EFR3A: variants seen among roughly 807,000 people sequenced by gnomAD.
The protein encoded by EFR3A is protein EFR3 homolog A.
EFR3A carries 76 observed loss-of-function variants against 104.4 expected under a neutral mutation model. The ratio of observed to expected loss-of-function variants is 0.73; its 90% CI spans 0.60 to 0.88. The LOEUF is 0.88. Among genes scored for constraint, EFR3A ranks in the 40% least tolerant of loss-of-function variants. The probability of loss-of-function intolerance (pLI) is 0.00; values close to 1 mark genes in which losing one functional copy is unlikely to be tolerated. For synonymous variants in EFR3A, 330 were observed against 330.0 expected, an observed-to-expected ratio of 1.00 and a Z score of 0.00; for missense variants, 985 against 1,012.5, an observed-to-expected ratio of 0.97 and a Z score of 0.37.
chr8:131,904,386 G>C (rs981162063), intron 1 of EFR3A, 64 bp downstream of exon 1: 3 of 1,232,398 alleles, frequency 2.4e-6, no homozygotes, highest in Non-Finnish European at 3.0e-6. Context: ...CGCTTGGGCC[G>C]GGTACTCCTC....
chr8:131,918,507 A>G (rs1312415719), intron 1 of EFR3A, among the ~76,000 whole-genome samples: 1 of 152,232 alleles, frequency 6.6e-6, no homozygotes, highest in African/African-American at 2.4e-5. Flanking sequence ...AGTCCTGCTC[A>G]GCAAATCCTG....
chr8:131,998,998 G>A (rs1307184911), intron 19 of EFR3A, among the ~76,000 whole-genome samples: 3 of 151,946 alleles, frequency 2.0e-5, no homozygotes, highest in Non-Finnish European at 2.9e-5. Context: ...TTATCAGCTT[G>A]ACTAATAGAA....
Position 131,904,231 on chromosome 8 carries a change from C to T in EFR3A, c.-82C>T. 2 of 1,264,860 alleles carry T rather than the reference C, an allele frequency of 1.6e-6. No individual in the cohort carries two copies. Among genetic ancestry groups the T allele is most frequent in the Non-Finnish European group, 2.0e-6 (2 of 1,001,992 alleles). The allele number at this position is 1,264,860 out of a possible 1,614,324, so 78.4% of individuals were successfully genotyped here. A position where few individuals can be genotyped will look rare whatever the true frequency, so the allele number is the denominator to read the frequency against. On this transcript the variant is annotated 5_prime_UTR_variant, in exon 1 of 23. Transcript: ENST00000254624. ...CCTCGTTCCGGCCTCCGCGGCCCAGCAACGGCCGTCATGGTGCCGTCGGCG... is the reference window on the plus strand; with the variant it reads ...CCTCGTTCCGGCCTCCGCGGCCCAGTAACGGCCGTCATGGTGCCGTCGGCG...
intron 5 of EFR3A, among the ~76,000 whole-genome samples, chr8:131,953,222 AT>A (rs1045553994): frequency 2.0e-4 from 30 of 152,108 alleles, no homozygotes. Flanking sequence ...ATATTGATAC[AT>A]TTTAAGTCAC....
intron 1 of EFR3A, among the ~76,000 whole-genome samples, chr8:131,916,301 G>A (rs1052507194): frequency 1.3e-5 from 2 of 152,186 alleles, no homozygotes; most frequent in Non-Finnish European, 2.9e-5. Flanking sequence ...GGACTGCAGT[G>A]AACAAATGTG....
intron 2 of EFR3A, among the ~76,000 whole-genome samples, chr8:131,943,209 G>A (rs1022400154): frequency 2.6e-5 from 4 of 151,972 alleles, no homozygotes; most frequent in African/African-American, 9.7e-5. Flanking sequence ...AATAGCCAAA[G>A]TTGAAACACT....
intron 7 of EFR3A, among the ~76,000 whole-genome samples, chr8:131,957,914 G>A (rs967945525): frequency 5.9e-5 from 9 of 152,168 alleles, no homozygotes; most frequent in Admixed American, 2.6e-4. Flanking sequence ...GAGGGAAAAT[G>A]TTTAGGCTAT....
At chr8:131,907,369 G>A (rs7812977) in intron 1 of EFR3A, among the ~76,000 whole-genome samples, 62,545 of 151,950 alleles carry the variant, frequency 0.41, 13,205 homozygotes, top group East Asian at 0.61. Context: ...AAACAGGTCC[G>A]GTAAAATGTG....
Position 131,978,986 on chromosome 8 carries a change from G to A in EFR3A, c.1466G>A (p.Arg489His), listed in dbSNP as rs371116230. The A allele has an allele frequency of 3.5e-5, 57 of 1,612,212 alleles. No homozygotes were observed. In the African/African-American group the frequency reaches 3.7e-4, roughly 11 times the overall value. The change falls in exon 13 of 23, where the codon CGT (arginine) becomes CAT (histidine). Residue 489 changes from arginine to histidine, a missense_variant. Arg to His is a conservative substitution (Grantham distance 29). Transcript: ENST00000254624. ...GAAGTAATGCATAATCTCATGGATC[G>A]TCATGACAATAGGGCAAAGCTTCGA... ...VLEVMHNLMDRHDNRAKLRGI... is the reference protein window; with the variant it reads ...VLEVMHNLMDHHDNRAKLRGI...
chr8:131,946,270 T>C (rs1818435662), intron 3 of EFR3A, among the ~76,000 whole-genome samples: 1 of 152,104 alleles, frequency 6.6e-6, no homozygotes, highest in Admixed American at 6.6e-5. Context: ...GAATACAGTG[T>C]ATATTTTCTG....
chr8:131,965,520 C>T (rs1819655422), intron 8 of EFR3A, among the ~76,000 whole-genome samples: 1 of 152,238 alleles, frequency 6.6e-6, no homozygotes, highest in Non-Finnish European at 1.5e-5. Flanking sequence ...GATACCATCT[C>T]ACGCCAATTA....
intron 8 of EFR3A, among the ~76,000 whole-genome samples, chr8:131,967,568 C>G (rs1563673879): frequency 8.4e-6 from 1 of 119,396 alleles, no homozygotes; most frequent in Non-Finnish European, 1.8e-5. Flanking sequence ...CTTTGCTGTT[C>G]TTCAAAAAAA....
intron 2 of EFR3A, among the ~76,000 whole-genome samples, chr8:131,942,134 C>T (rs1369062444): frequency 6.6e-6 from 1 of 151,950 alleles, no homozygotes; most frequent in East Asian, 1.9e-4. Context: ...AGTGAAGGAG[C>T]TTTGAACACT....
chr8:131,908,081 G>A (rs1454865884), intron 1 of EFR3A, among the ~76,000 whole-genome samples: 1 of 150,790 alleles, frequency 6.6e-6, no homozygotes, highest in Admixed American at 6.6e-5. Context: ...CTTTTTTTGA[G>A]AGGGAGTCTC....
At chr8:131,942,035 A>G (rs1481975356) in intron 2 of EFR3A, among the ~76,000 whole-genome samples, 3 of 152,068 alleles carry the variant, frequency 2.0e-5, no homozygotes, top group Non-Finnish European at 4.4e-5. Flanking sequence ...TCTGGGACAT[A>G]TGGTTACTGA....
chr8:131,991,847 C>T (rs559285309), intron 18 of EFR3A, among the ~76,000 whole-genome samples: 1 of 152,128 alleles, frequency 6.6e-6, no homozygotes, highest in Admixed American at 6.6e-5. Flanking sequence ...AGAGGAGCTT[C>T]CACAAAGGGA....
chr8:131,934,790 A>G (rs1586561715), intron 1 of EFR3A, among the ~76,000 whole-genome samples: 1 of 152,092 alleles, frequency 6.6e-6, no homozygotes, highest in African/African-American at 2.4e-5. Context: ...ACTGCTGTGT[A>G]TTACATATAT....
chr8:131,905,122 T>G (rs931523415), intron 1 of EFR3A, among the ~76,000 whole-genome samples: 1 of 152,190 alleles, frequency 6.6e-6, no homozygotes, highest in African/African-American at 2.4e-5. Flanking sequence ...TAGCCACTGG[T>G]CAATGTGGAT....
intron 1 of EFR3A, among the ~76,000 whole-genome samples, chr8:131,910,666 CTG>C (rs1816473216): frequency 6.6e-6 from 1 of 152,236 alleles, no homozygotes; most frequent in African/African-American, 2.4e-5. Flanking sequence ...AGACAGTCCT[CTG>C]TGTTTCGCAG....
Sources: allele counts gnomAD v4.1 joint callset (sites outside exome capture counted in the v4.1 genomes callset), GRCh38; gene constraint gnomAD v4.1.1; transcripts MANE v1.5; gene names NCBI Gene and HGNC (gene_info 2026-07-23, HGNC 2026-07-21).